Variants in GNAS observed in about 807,000 individuals in gnomAD.
GNAS encodes protein ALEX.
A neutral mutation model predicts 54.5 loss-of-function variants in GNAS; 8 were observed. The observed-to-expected ratio is 0.15, with a 90% confidence interval of 0.09 to 0.26. GNAS has a LOEUF of 0.26. Ranked by LOEUF, GNAS falls within the 10% of genes least tolerant of loss-of-function variation. GNAS has a pLI of 1.00. For missense variants in GNAS, 170 were observed against 529.8 expected (o/e 0.32, Z 6.67); for synonymous variants, 204 against 191.4 (o/e 1.07, Z -0.54).
chr20:58,852,102 C>G (rs1339153350), intron 1 of GNAS, among the ~76,000 whole-genome samples: 1 of 152,106 alleles, frequency 6.6e-6, no homozygotes, highest in African/African-American at 2.4e-5. Flanking sequence ...GCCCCCCACC[C>G]CTCTCTTGGT....
intron 1 of GNAS, among the ~76,000 whole-genome samples, chr20:58,877,768 C>T (rs1419533814): frequency 1.3e-5 from 2 of 152,206 alleles, no homozygotes; most frequent in South Asian, 2.1e-4. Context: ...CCGGCCTTGC[C>T]GGTAATCCCT....
chr20:58,854,968 G>C lies in GNAS; in HGVS notation c.43+14082G>C, dbSNP rs770530770. On this transcript the variant is annotated intron_variant, in intron 1 of 12. Coordinates refer to the GNAS transcript ENST00000306090. ...GGCCGCCGCGTGTACTACGATGAAGGGGTGGCCAGCAGCGACGATGACTCC... is the reference window on the plus strand; with the variant it reads ...GGCCGCCGCGTGTACTACGATGAAGCGGTGGCCAGCAGCGACGATGACTCC... 1.9e-6 allele frequency: 3 copies of C among 1,611,516 alleles called. No homozygotes were observed. The South Asian group carries it at 3.3e-5, about 18-fold the overall frequency.
chr20:58,895,447 C>T, intron 1 of GNAS, 165 bp from the exon 2 acceptor site: 1 of 668,414 alleles, frequency 1.5e-6, no homozygotes, highest in East Asian at 2.7e-5. Flanking sequence ...ACATTGATTT[C>T]CTTTTCTCTG....
chr20:58,852,986 A>G (rs2086244787), intron 1 of GNAS: 2 of 1,224,278 alleles, frequency 1.6e-6, no homozygotes, highest in Non-Finnish European at 1.0e-6. Flanking sequence ...GCGTAAGGAT[A>G]GACCAAGGAA....
chr20:58,868,641 C>T (rs2087219535), intron 1 of GNAS, among the ~76,000 whole-genome samples: 1 of 152,190 alleles, frequency 6.6e-6, no homozygotes, highest in Admixed American at 6.5e-5. Context: ...TCAGAAGTTT[C>T]ACAATCCAGA....
intron 1 of GNAS, among the ~76,000 whole-genome samples, chr20:58,882,387 T>G (rs761845561): frequency 1.3e-5 from 2 of 152,232 alleles, no homozygotes; most frequent in Non-Finnish European, 1.5e-5. Context: ...AACGGCTCCA[T>G]TCTCCCCTAA....
intron 6 of GNAS, among the ~76,000 whole-genome samples, chr20:58,905,956 A>G (rs530247829): frequency 2.2e-4 from 33 of 152,326 alleles, no homozygotes; most frequent in Non-Finnish European, 4.1e-4. Flanking sequence ...AAGCGACTCT[A>G]GTAGCTGCCT....
intron 1 of GNAS, chr20:58,867,558 C>G (rs952556314): frequency 6.6e-6 from 1 of 152,296 alleles, no homozygotes; most frequent in Non-Finnish European, 1.5e-5. Flanking sequence ...GGAGCTCCAG[C>G]TCTTTGGGAG....
rs746183105 is a variant in GNAS at position 58,853,693 on chromosome 20, C to G, written c.43+12807C>G. The G allele has an allele frequency of 3.7e-6, 6 of 1,613,800 alleles. No homozygotes were observed. The highest frequency in any genetic ancestry group is 1.6e-4 in the Middle Eastern group (1 of 6,062). ...GGCCCAGCACTCATGGAGCCCGGAG[C>G]CTTCAGTGGTGCCAGACCAGGCCTG... On this transcript the variant is annotated intron_variant, in intron 1 of 12. Coordinates refer to the GNAS transcript ENST00000306090. This position sits in a 1 kb window ranked among gnomAD's most constrained non-coding sequence, Gnocchi z 4.4.
At chr20:58,855,750 C>T in intron 1 of GNAS, 1 of 620,538 alleles carries the variant, frequency 1.6e-6, no homozygotes, top group South Asian at 1.9e-5. Context: ...CGCGCCCCGC[C>T]TCGCCTGGCA....
At chr20:58,885,169 T>A (rs2088506202) in intron 1 of GNAS, among the ~76,000 whole-genome samples, 1 of 152,148 alleles carries the variant, frequency 6.6e-6, no homozygotes. Context: ...CTCATGGGGA[T>A]GTGGTGAGAA....
rs1490648852 is a variant in GNAS at position 58,846,512 on chromosome 20, CAAAGAG to C, written c.43+5632_43+5637del. ...ATACAAGTACTTCAATTGCTACACT[CAAAGAG>C]AAAGATTTAACACCTAGAAATCTAG... On this transcript the variant is annotated intron_variant, in intron 1 of 12. Coordinates refer to the GNAS transcript ENST00000306090. 6.6e-5 allele frequency among the ~76,000 whole-genome samples: 10 copies of C among 152,190 alleles called. No homozygotes were observed. In the East Asian group the frequency reaches 1.9e-3, roughly 29 times the overall value.
At chr20:58,892,154 CCT>C (rs919248346) in intron 1 of GNAS, 36 of 964,158 alleles carry the variant, frequency 3.7e-5, no homozygotes, top group African/African-American at 8.8e-5. Context: ...TCGCTCTCCC[CCT>C]CTTTCTCTCT....
intron 4 of GNAS, 35 bp from the exon 5 acceptor site, chr20:58,903,637 G>A (rs2146180907): frequency 1.9e-6 from 3 of 1,614,114 alleles, no homozygotes; most frequent in Non-Finnish European, 2.5e-6. Flanking sequence ...CCCAGCCAGT[G>A]CTGTTCCCTG....
At chr20:58,890,198 G>A (rs1441482713), upstream of GNAS, among the ~76,000 whole-genome samples, 1 of 145,302 alleles carries the variant, frequency 6.9e-6, no homozygotes, top group African/African-American at 2.7e-5. Context: ...AGAAGATGCT[G>A]AAGAAGAAGA....
At position 58,910,241 on chromosome 20, in the gene GNAS, G is replaced by T. The variant is rs2091347093; in HGVS notation, c.971-93G>T. 5.5e-6 allele frequency: 7 copies of T among 1,263,076 alleles called. No homozygotes were observed. The highest frequency in any genetic ancestry group is 8.1e-6 in the Non-Finnish European group (7 of 859,700). The allele number at this position is 1,263,076 out of a possible 1,614,324, so 78.2% of individuals were successfully genotyped here. On this transcript the variant is annotated intron_variant, in intron 11 of 12. Coordinates refer to ENST00000371085, the MANE Select transcript of GNAS (RefSeq NM_000516.7). The surrounding 1 kb of genome is among the most constrained non-coding windows in gnomAD (Gnocchi z 5.8). ...CACTAATTCTCATATGGAAAAATCA[G>T]GGTTTTGAAGACTTCAGGAGCTACA... is the stretch of plus-strand genomic sequence containing the variant.
chr20:58,878,277 A>G (rs1381332267), intron 1 of GNAS, among the ~76,000 whole-genome samples: 1 of 152,236 alleles, frequency 6.6e-6, no homozygotes, highest in African/African-American at 2.4e-5. Flanking sequence ...CGGCCCCAGG[A>G]GGCCTGCTAT....
intron 1 of GNAS, chr20:58,855,594 G>A: frequency 1.4e-6 from 1 of 717,534 alleles, no homozygotes. Context: ...GTCGTTTCCG[G>A]CTGGACAGGC....
intron 1 of GNAS, among the ~76,000 whole-genome samples, chr20:58,862,284 A>C (rs2030588937): frequency 6.6e-6 from 1 of 151,948 alleles, no homozygotes; most frequent in Non-Finnish European, 1.5e-5. Flanking sequence ...CAGCCTCCCC[A>C]GTAGCTGGGA....
Sources: allele counts gnomAD v4.1 joint callset (sites outside exome capture counted in the v4.1 genomes callset), GRCh38; gene constraint gnomAD v4.1.1; non-coding constraint Gnocchi (gnomAD v3.1); transcripts MANE v1.5; gene names NCBI Gene and HGNC (gene_info 2026-07-23, HGNC 2026-07-21).